The following KEL variants were observed in gnomAD, a reference collection of about 807,000 sequenced individuals.
KEL encodes the protein Kell metallo-endopeptidase (Kell blood group).
KEL carries 96 observed loss-of-function variants against 99.5 expected under a neutral mutation model. The ratio of observed to expected loss-of-function variants is 0.97; its 90% CI spans 0.82 to 1.14. The LOEUF is 1.14. Among genes scored for constraint, KEL ranks in the 50% most tolerant of loss-of-function variants. The pLI, the probability that KEL is intolerant of heterozygous loss-of-function variation, is 0.00. For synonymous variants in KEL, 355 were observed against 354.8 expected, an observed-to-expected ratio of 1.00 and a Z score of -0.01; for missense variants, 926 against 924.2, an observed-to-expected ratio of 1.00 and a Z score of -0.03.
At position 142,943,900 on chromosome 7, in the gene KEL, A is replaced by G. The variant is rs758192527; in HGVS notation, c.1492-17T>C. ...AAGCTGTATCTGGGGAAGAGGCAGGAGGTGACTTGGGCACACAGAGACTTC... is the reference window on the plus strand; with the variant it reads ...AAGCTGTATCTGGGGAAGAGGCAGGGGGTGACTTGGGCACACAGAGACTTC... On this transcript the variant is annotated splice_polypyrimidine_tract_variant and intron_variant, in intron 13 of 18. Transcript: ENST00000355265. 6.2e-7 allele frequency: 1 copy of G among 1,607,950 alleles called. No individual in the cohort carries two copies. Among genetic ancestry groups the G allele is most frequent in the Non-Finnish European group, 8.5e-7 (1 of 1,174,700 alleles).
intron 4 of KEL, among the ~76,000 whole-genome samples, chr7:142,959,234 G>C (rs1036446928): frequency 3.3e-5 from 5 of 152,158 alleles, no homozygotes. Context: ...GAGGCAAAGA[G>C]GGAGGGTGGG....
intron 1 of KEL, 131 bp downstream of exon 1, chr7:142,962,073 T>C: frequency 2.5e-6 from 4 of 1,612,276 alleles, no homozygotes; most frequent in Non-Finnish European, 3.4e-6. Flanking sequence ...CCCTCTCCCA[T>C]TACCTCCCTC....
At position 142,954,205 on chromosome 7, in the gene KEL, C is replaced by T. The variant is rs2116670707; in HGVS notation, c.903G>A (p.Met301Ile). Reference protein sequence around the residue: ...QRRAQGKLFQMVTIDQLKEMA... With the variant: ...QRRAQGKLFQIVTIDQLKEMA... ...GCACCTTGAGCTGGTCGATAGTGAC[C>T]ATCTGGAAGAGCTTGCCCTGTGCCC... The change falls in exon 8 of 19, where the codon ATG becomes ATA. Residue 301 changes from methionine (M) to isoleucine (I), a missense_variant. By Grantham distance (10) the Met-to-Ile change is conservative. Coordinates refer to ENST00000355265, the MANE Select transcript of KEL (RefSeq NM_000420.3). The T allele has an allele frequency of 1.2e-6, 2 of 1,611,672 alleles. No homozygotes were observed. The highest frequency in any genetic ancestry group is 1.1e-5 in the South Asian group (1 of 91,078).
Position 142,943,596 on chromosome 7 carries a change from C to T in KEL, c.1593G>A (p.Arg531=). Residue 531 remains arginine, a splice_region_variant and synonymous_variant, in exon 15 of 19, where the codon AGG becomes AGA. Transcript: ENST00000355265. ...QSFLQPHPQH[R]WKVSPWDVNA... ...TGACGTCCCAAGGGGACACCTTCCACCTGTGGGAAGAGGACATGTGAACTC... is the reference window on the plus strand; with the variant it reads ...TGACGTCCCAAGGGGACACCTTCCATCTGTGGGAAGAGGACATGTGAACTC... 1 of 1,610,718 alleles carries T rather than the reference C, an allele frequency of 6.2e-7. No homozygotes were observed. The highest frequency in any genetic ancestry group is 8.5e-7 in the Non-Finnish European group (1 of 1,177,050).
intron 10 of KEL, 185 bp from the exon 11 acceptor site, chr7:142,946,502 T>A: frequency 1.6e-6 from 1 of 626,330 alleles, no homozygotes; most frequent in Non-Finnish European, 2.9e-6. Context: ...CACAGCTTCC[T>A]CAGAGCTGGT....
In KEL at chr7:142,946,280, G is replaced by T. The variant is rs1384232704; in HGVS notation, c.1241C>A (p.Thr414Lys). The change falls in exon 11 of 19, where the codon ACA (threonine) becomes AAA (lysine). Residue 414 changes from threonine (T) to lysine (K), a missense_variant. Physicochemically the swap from Thr to Lys is moderately conservative, Grantham distance 78. Coordinates refer to ENST00000355265, the MANE Select transcript of KEL (RefSeq NM_000420.3). ...CAGCGTGGGCTCGAAGAACGTGCCT[G>T]TCTCCTCCACGCACTTCATCCATCG... ...RPRWMKCVEE[T>K]GTFFEPTLAA... 6.2e-7 allele frequency: 1 copy of T among 1,613,984 alleles called. No individual in the cohort carries two copies. Among genetic ancestry groups the T allele is most frequent in the Non-Finnish European group, 8.5e-7 (1 of 1,180,012 alleles).
chr7:142,945,632 CTT>C (rs35052637), intron 11 of KEL, among the ~76,000 whole-genome samples: 6 of 144,830 alleles, frequency 4.1e-5, no homozygotes, highest in Non-Finnish European at 4.6e-5. Context: ...TTCAATTTTC[CTT>C]TTTTTTTTTT....
Position 142,944,317 on chromosome 7 carries a change from A to AC in KEL, c.1491+5dup. On this transcript the variant is annotated splice_donor_region_variant and intron_variant, in intron 13 of 18. Transcript: ENST00000355265. ...TGAAAAGGAGCTGGAAAACACAGGG[A>AC]CCCACATCGTTGTATTCTTGTCGGG... 6.2e-7 allele frequency: 1 copy of AC among 1,609,782 alleles called. No individual in the cohort carries two copies. Among genetic ancestry groups the AC allele is most frequent in the East Asian group, 2.2e-5 (1 of 44,854 alleles).
chr7:142,953,472 T>C, intron 9 of KEL: 4 of 831,504 alleles, frequency 4.8e-6, no homozygotes, highest in Non-Finnish European at 5.8e-6. Flanking sequence ...AACTGTCTTC[T>C]GTGTCTGGGT....
chr7:142,952,675 G>A, intron 9 of KEL, 37 bp from the exon 10 acceptor site: 1 of 1,612,016 alleles, frequency 6.2e-7, no homozygotes, highest in Middle Eastern at 1.7e-4. Flanking sequence ...TATACCCCAG[G>A]AATCTGGGGA....
At chr7:142,941,829 G>C (rs1796367290) in intron 18 of KEL, among the ~76,000 whole-genome samples, 1 of 149,012 alleles carries the variant, frequency 6.7e-6, no homozygotes, top group Non-Finnish European at 1.5e-5. Context: ...TTTTTTGTGA[G>C]ACTGAGTCTT....
chr7:142,958,548 T>A, intron 4 of KEL, 120 bp from the exon 5 acceptor site: 1 of 889,448 alleles, frequency 1.1e-6, no homozygotes, highest in Non-Finnish European at 1.8e-6. Flanking sequence ...AGATGGGTTT[T>A]ATTTAACCCA....
chr7:142,962,035 C>T, intron 1 of KEL, 163 bp from the exon 2 acceptor site: 1 of 1,609,926 alleles, frequency 6.2e-7, no homozygotes, highest in Non-Finnish European at 8.5e-7. Context: ...CAGAACGAAC[C>T]TGTCCCCTGA....
intron 4 of KEL, among the ~76,000 whole-genome samples, chr7:142,960,185 A>G (rs1021673416): frequency 7.2e-5 from 11 of 152,114 alleles, no homozygotes; most frequent in African/African-American, 2.4e-4. Context: ...TATCCTTTGT[A>G]CTTACCCACT....
At chr7:142,955,992 C>T (rs1249302837) in intron 6 of KEL, among the ~76,000 whole-genome samples, 2 of 152,094 alleles carry the variant, frequency 1.3e-5, no homozygotes, top group African/African-American at 4.8e-5. Flanking sequence ...ACTGGTCTAG[C>T]TCCCATCTCT....
rs1173121074 is a variant in KEL, at chr7:142,957,920, C to T, written c.579G>A (p.Thr193=). The part of the protein sequence containing the change: ...GKWTSLNFNR[T]LRLLMSQYGH... ...CATACTGACTCATCAGAAGTCTCAGCGTTCGGTTAAAGTTTAAGGAAGTCC... is the reference window on the plus strand; with the variant it reads ...CATACTGACTCATCAGAAGTCTCAGTGTTCGGTTAAAGTTTAAGGAAGTCC... Residue 193 remains threonine (T), a synonymous_variant, in exon 6 of 19, where the codon ACG becomes ACA. Coordinates refer to ENST00000355265, the MANE Select transcript of KEL (RefSeq NM_000420.3). 5 of 1,614,102 alleles carry T rather than the reference C, an allele frequency of 3.1e-6. No individual in the cohort carries two copies. The highest frequency in any genetic ancestry group is 1.7e-4 in the Middle Eastern group (1 of 6,058).
At chr7:142,954,844 G>A (rs1008668542) in intron 6 of KEL, among the ~76,000 whole-genome samples, 8 of 152,150 alleles carry the variant, frequency 5.3e-5, no homozygotes, top group African/African-American at 1.7e-4. Flanking sequence ...TGAGTGAGGT[G>A]AGGAACCTGT....
At chr7:142,941,740 T>C (rs905879497) in intron 18 of KEL, among the ~76,000 whole-genome samples, 1 of 151,504 alleles carries the variant, frequency 6.6e-6, no homozygotes, top group African/African-American at 2.4e-5. Context: ...GGAGGTGATG[T>C]CAAGTGGGCG....
chr7:142,946,442 T>C, intron 10 of KEL, 125 bp from the exon 11 acceptor site: 1 of 765,096 alleles, frequency 1.3e-6, no homozygotes, highest in Non-Finnish European at 2.3e-6. Flanking sequence ...GGGTTTCATC[T>C]GTTTACTATC....
Sources: allele counts gnomAD v4.1 joint callset (sites outside exome capture counted in the v4.1 genomes callset), GRCh38; gene constraint gnomAD v4.1.1; transcripts MANE v1.5; gene names NCBI Gene and HGNC (gene_info 2026-07-23, HGNC 2026-07-21).